The following LOC112694756 variants were observed in gnomAD, a reference collection of about 807,000 sequenced individuals.
the LOC112694756 span, chr16:30,066,742 C>A: frequency 1.1e-6 from 1 of 899,208 alleles, no homozygotes; most frequent in African/African-American, 1.7e-5. Flanking sequence ...GGGTTCTAAT[C>A]TCAGATCTGG....
At chr16:30,063,682 G>A in the LOC112694756 span, 18 of 399,346 alleles carry the variant, frequency 4.5e-5, no homozygotes, top group East Asian at 5.7e-4. Flanking sequence ...GAGAGCAACA[G>A]ACGTGGCCCC....
At chr16:30,053,626 A>G in the LOC112694756 span, 3 of 152,746 alleles carry the variant, frequency 2.0e-5, no homozygotes, top group African/African-American at 2.4e-5. Context: ...CTGCCAGCTC[A>G]GGACGAGAGC....
chr16:30,069,161 C>T, the LOC112694756 span: 13 of 1,310,608 alleles, frequency 9.9e-6, no homozygotes, highest in East Asian at 4.9e-5. Context: ...GGATCTGAGG[C>T]GGCTCTTGTC....
At chr16:30,066,072 C>T in the LOC112694756 span, 2 of 152,826 alleles carry the variant, frequency 1.3e-5, no homozygotes, top group African/African-American at 4.8e-5. Flanking sequence ...TCCCCGGCCC[C>T]TCCAGCCTGA....
At chr16:30,068,125 C>T in the LOC112694756 span, 13 of 241,414 alleles carry the variant, frequency 5.4e-5, no homozygotes, top group Middle Eastern at 1.7e-3. Flanking sequence ...TGCAGTGGTG[C>T]GATCTCTTGG....
chr16:30,070,250 C>A, the LOC112694756 span: 1 of 1,600,774 alleles, frequency 6.2e-7, no homozygotes, highest in Non-Finnish European at 8.6e-7. Flanking sequence ...CACTCCAGGC[C>A]CTGCCCCCTC....
chr16:30,058,929 C>T, the LOC112694756 span: 1 of 398,352 alleles, frequency 2.5e-6, no homozygotes, highest in Non-Finnish European at 4.4e-6. Context: ...GAGAAGGTCC[C>T]CAGCCTCGCA....
At chr16:30,062,754 C>T in the LOC112694756 span, among the ~76,000 whole-genome samples, 1 of 151,554 alleles carries the variant, frequency 6.6e-6, no homozygotes, top group Non-Finnish European at 1.5e-5. Context: ...GGCAGGAGAA[C>T]CGCTTGAATC....
chr16:30,057,510 C>T, the LOC112694756 span, among the ~76,000 whole-genome samples: 1 of 152,142 alleles, frequency 6.6e-6, no homozygotes, highest in South Asian at 2.1e-4. Context: ...ATTTTGAGCT[C>T]AGCGATTCAG....
At chr16:30,058,673 G>T in the LOC112694756 span, among the ~76,000 whole-genome samples, 1 of 151,926 alleles carries the variant, frequency 6.6e-6, no homozygotes, top group South Asian at 2.1e-4. Flanking sequence ...TTTTAGTAGA[G>T]ATGGGGTTTC....
chr16:30,065,065 C>T, the LOC112694756 span, among the ~76,000 whole-genome samples: 1 of 152,252 alleles, frequency 6.6e-6, no homozygotes, highest in Non-Finnish European at 1.5e-5. Context: ...GACTACCAGC[C>T]TGGCTGCGGC....
chr16:30,056,856 C>T, the LOC112694756 span, among the ~76,000 whole-genome samples: 1 of 151,836 alleles, frequency 6.6e-6, no homozygotes, highest in East Asian at 1.9e-4. Context: ...CATCCTCAGC[C>T]TCCCAAAGTG....
At chr16:30,067,755 C>T in the LOC112694756 span, 2 of 1,457,578 alleles carry the variant, frequency 1.4e-6, no homozygotes, top group Admixed American at 1.7e-5. Flanking sequence ...GGATTGGTGG[C>T]CTAGAGACTT....
At chr16:30,064,223 C>T in the LOC112694756 span, 2 of 395,198 alleles carry the variant, frequency 5.1e-6, no homozygotes, top group East Asian at 7.1e-5. Context: ...CACACTCCGT[C>T]CACGGACTCT....
the LOC112694756 span, chr16:30,064,511 T>C: frequency 2.5e-6 from 1 of 398,584 alleles, no homozygotes; most frequent in Middle Eastern, 6.3e-4. Context: ...CACCGGTGAG[T>C]GGGCAGGGGC....
chr16:30,064,275 CCTT>C, the LOC112694756 span: 118 of 397,816 alleles, frequency 3.0e-4, no homozygotes, highest in South Asian at 1.5e-3. Flanking sequence ...TATCTACTCT[CCTT>C]CTTAAAAAAA....
chr16:30,059,112 G>C, the LOC112694756 span: 1 of 397,756 alleles, frequency 2.5e-6, no homozygotes, highest in African/African-American at 2.1e-5. Flanking sequence ...CTGGGCTGGG[G>C]CTAGAGTTTG....
chr16:30,064,089 C>T, the LOC112694756 span: 2 of 397,758 alleles, frequency 5.0e-6, no homozygotes, highest in East Asian at 3.6e-5. Flanking sequence ...CCCTGGCTTC[C>T]CTTCCCCTCC....
At chr16:30,057,535 G>C in the LOC112694756 span, among the ~76,000 whole-genome samples, 4 of 152,192 alleles carry the variant, frequency 2.6e-5, no homozygotes, top group Non-Finnish European at 5.9e-5. Context: ...CAAAGCCCCT[G>C]CCCTTGGAGT....
Sources: gnomAD v4.1 joint callset for allele counts (sites outside exome capture counted in the v4.1 genomes callset) on GRCh38, gnomAD v4.1.1 for gene constraint, MANE v1.5 for transcripts.